Variants in IFT81 observed in about 807,000 individuals in gnomAD.
IFT81 encodes the protein intraflagellar transport 81, also known as intraflagellar transport protein 81 homolog.
IFT81 carries 72 observed loss-of-function variants against 102.6 expected under a neutral mutation model. The observed-to-expected ratio is 0.70, with a 90% CI of 0.58 to 0.85. IFT81 has a LOEUF of 0.85. Ranked by LOEUF, IFT81 falls within the 40% of genes least tolerant of loss-of-function variation. The pLI is 0.00. For missense variants in IFT81, 723 were observed against 787.3 expected (o/e 0.92, Z 0.98); for synonymous variants, 237 against 242.7 (o/e 0.98, Z 0.22).
In IFT81 at chr12:110,163,066, G is replaced by A. The variant is rs864309657; in HGVS notation, c.1188+1G>A. ...TACTGAAGTTTTAAAGGGAGATGAG[G>A]TAAGCTGAGCCATCTCATGGGACAA... On this transcript the variant is annotated splice_donor_variant, in intron 11 of 18. Coordinates refer to ENST00000242591, the MANE Select transcript of IFT81 (RefSeq NM_014055.4). LOFTEE classifies it high-confidence loss of function. 1 of 1,612,688 alleles carries A rather than the reference G, an allele frequency of 6.2e-7. No homozygotes were observed. Among genetic ancestry groups the A allele is most frequent in the African/African-American group, 1.3e-5 (1 of 74,974 alleles).
intron 18 of IFT81, among the ~76,000 whole-genome samples, chr12:110,215,076 T>C (rs996376496): frequency 1.3e-5 from 2 of 152,184 alleles, no homozygotes; most frequent in Admixed American, 1.3e-4. Context: ...TTGCTTTCAT[T>C]ATGCATAGCT....
At chr12:110,137,896 T>C (rs1233359882) in intron 8 of IFT81, among the ~76,000 whole-genome samples, 1 of 152,234 alleles carries the variant, frequency 6.6e-6, no homozygotes, top group African/African-American at 2.4e-5. Flanking sequence ...TATTTTGGTT[T>C]GTAGAATAAC....
intron 8 of IFT81, among the ~76,000 whole-genome samples, chr12:110,142,957 A>G (rs1894988363): frequency 6.6e-6 from 1 of 152,138 alleles, no homozygotes; most frequent in East Asian, 1.9e-4. Context: ...TTCCAAAAGA[A>G]AAAAAATACA....
At position 110,174,873 on chromosome 12, in the gene IFT81, A is replaced by G. The variant is rs145131347; in HGVS notation, c.1189-5549A>G. 1.8e-3 allele frequency among the ~76,000 whole-genome samples: 274 copies of G among 152,360 alleles called. 1 individual carries two copies. The highest frequency in any genetic ancestry group is 3.4e-3 in the Middle Eastern group (1 of 294). On this transcript the variant is annotated intron_variant, in intron 11 of 18. Coordinates refer to ENST00000242591, the MANE Select transcript of IFT81 (RefSeq NM_014055.4). The stretch of plus-strand genomic sequence containing the variant: ...AAAATTGGTCCTGAAGCCAGAAGCT[A>G]GCACTATAAAGCATTAGTCCATTAC...
chr12:110,158,230 G>T (rs775451260), intron 10 of IFT81, among the ~76,000 whole-genome samples: 2 of 151,486 alleles, frequency 1.3e-5, no homozygotes, highest in African/African-American at 2.4e-5. Flanking sequence ...ACAAAAATTA[G>T]CCATCACACC....
intron 3 of IFT81, among the ~76,000 whole-genome samples, chr12:110,128,436 C>T (rs1214565357): frequency 6.7e-6 from 1 of 149,662 alleles, no homozygotes; most frequent in African/African-American, 2.5e-5. Context: ...TTGGATATGC[C>T]AATGATATAT....
intron 17 of IFT81, among the ~76,000 whole-genome samples, chr12:110,206,419 A>C (rs1291014784): frequency 6.6e-6 from 1 of 152,204 alleles, no homozygotes. Context: ...CAAATATTAA[A>C]TGTTTTGCTA....
intron 18 of IFT81, among the ~76,000 whole-genome samples, chr12:110,211,684 T>A (rs1456877946): frequency 6.6e-6 from 1 of 151,978 alleles, no homozygotes; most frequent in African/African-American, 2.4e-5. Flanking sequence ...TTTTTGTATT[T>A]TTTGTAGAGA....
At chr12:110,196,079 G>A (rs1002534959) in intron 14 of IFT81, among the ~76,000 whole-genome samples, 15 of 152,134 alleles carry the variant, frequency 9.9e-5, no homozygotes, top group African/African-American at 3.4e-4. Flanking sequence ...AATGTTTCAC[G>A]GAAACTTTTT....
intron 10 of IFT81, among the ~76,000 whole-genome samples, chr12:110,150,858 G>T (rs1418201734): frequency 1.3e-5 from 2 of 151,944 alleles, no homozygotes; most frequent in Non-Finnish European, 2.9e-5. Context: ...TATTCCATTA[G>T]AAATATTATA....
At chr12:110,156,624 G>A (rs771084458) in intron 10 of IFT81, among the ~76,000 whole-genome samples, 1 of 152,032 alleles carries the variant, frequency 6.6e-6, no homozygotes, top group African/African-American at 2.4e-5. Context: ...AGCCTCCCGA[G>A]TAGCTGGGAC....
At chr12:110,191,331 C>T (rs964301141) in intron 13 of IFT81, among the ~76,000 whole-genome samples, 1 of 151,886 alleles carries the variant, frequency 6.6e-6, no homozygotes, top group African/African-American at 2.4e-5. Flanking sequence ...CCACCATGCC[C>T]GGCTAATTTT....
chr12:110,191,610 T>G (rs1189835405), intron 13 of IFT81, among the ~76,000 whole-genome samples: 1 of 152,136 alleles, frequency 6.6e-6, no homozygotes, highest in Non-Finnish European at 1.5e-5. Context: ...GAAAAATAAA[T>G]TTTCCCAGGT....
At chr12:110,208,150 G>A (rs914777728) in intron 17 of IFT81, among the ~76,000 whole-genome samples, 3 of 151,930 alleles carry the variant, frequency 2.0e-5, no homozygotes, top group Non-Finnish European at 2.9e-5. Context: ...TTAATGCATG[G>A]GAAATGTTAT....
At chr12:110,148,298 G>A (rs1409565100) in intron 10 of IFT81, among the ~76,000 whole-genome samples, 1 of 149,974 alleles carries the variant, frequency 6.7e-6, no homozygotes, top group Non-Finnish European at 1.5e-5. Flanking sequence ...AACAGATCTG[G>A]TTTGATTTTT....
At chr12:110,211,756 C>T (rs1006612111) in intron 18 of IFT81, among the ~76,000 whole-genome samples, 2 of 152,234 alleles carry the variant, frequency 1.3e-5, no homozygotes, top group African/African-American at 4.8e-5. Flanking sequence ...ATCCATCCAC[C>T]TTGGCCTCCC....
chr12:110,180,435 T>C lies in IFT81; in HGVS notation c.1202T>C (p.Val401Ala). Residue 401 changes from valine to alanine, a missense_variant, in exon 12 of 19, where the codon GTC (valine) becomes GCC (alanine). Transcript: ENST00000242591. ...TTTTTTTTACAGTTCAAACGATATG[T>C]CAATAAACTTCGAAGCAAGAGTACA... The part of the protein sequence containing the change: ...VLKGDEFKRY[V>A]NKLRSKSTVF... 1.9e-6 allele frequency: 3 copies of C among 1,603,024 alleles called. No individual in the cohort carries two copies. Among genetic ancestry groups the C allele is most frequent in the Non-Finnish European group, 2.6e-6 (3 of 1,171,812 alleles).
At chr12:110,185,734 C>T (rs528123958) in intron 12 of IFT81, among the ~76,000 whole-genome samples, 72 of 152,138 alleles carry the variant, frequency 4.7e-4, no homozygotes, top group Non-Finnish European at 8.5e-4. Context: ...CCTGGGACTA[C>T]AGGCGTGCAC....
chr12:110,147,633 T>C (rs889552990), intron 10 of IFT81, among the ~76,000 whole-genome samples: 1 of 152,170 alleles, frequency 6.6e-6, no homozygotes, highest in African/African-American at 2.4e-5. Context: ...CTAAGCTACA[T>C]AACAAAGCAT....
Sources: allele counts gnomAD v4.1 joint callset (sites outside exome capture counted in the v4.1 genomes callset), GRCh38; gene constraint gnomAD v4.1.1; transcripts MANE v1.5; gene names NCBI Gene and HGNC (gene_info 2026-07-23, HGNC 2026-07-21).